The following PCDHA6 variants were observed in gnomAD, a reference collection of about 807,000 sequenced individuals.
PCDHA6 encodes protocadherin alpha-6.
In PCDHA6, 55 loss-of-function variants were observed where a neutral mutation model predicts 60.3. The observed-to-expected ratio is 0.91, with a 90% CI of 0.73 to 1.14. PCDHA6 has a LOEUF of 1.14. PCDHA6 is among the 50% of genes most tolerant of loss of function. The probability of loss-of-function intolerance (pLI) is 0.00; values close to 1 mark genes in which losing one functional copy is unlikely to be tolerated. For synonymous variants in PCDHA6, 652 were observed against 557.9 expected, an observed-to-expected ratio of 1.17 and a Z score of -2.38; for missense variants, 1,327 against 1,256.5, an observed-to-expected ratio of 1.06 and a Z score of -0.85.
At chr5:140,853,663 T>C (rs1278843204) in intron 1 of PCDHA6, 2 of 988,324 alleles carry the variant, frequency 2.0e-6, no homozygotes, top group South Asian at 4.7e-5. Context: ...CCAGACAAAT[T>C]GGGGCCTATG....
At chr5:140,984,588 T>C (rs1338170509) in intron 3 of PCDHA6, among the ~76,000 whole-genome samples, 1 of 152,170 alleles carries the variant, frequency 6.6e-6, no homozygotes, top group Non-Finnish European at 1.5e-5. Flanking sequence ...AATCATACTT[T>C]TCAATACATA....
chr5:140,842,977 G>A (rs2150349031), intron 1 of PCDHA6: 2 of 1,595,034 alleles, frequency 1.3e-6, no homozygotes, highest in East Asian at 2.2e-5. Flanking sequence ...TGACGCTGCA[G>A]GTGTTCGTGC....
chr5:140,861,377 G>T (rs2046888604), intron 1 of PCDHA6: 1 of 418,518 alleles, frequency 2.4e-6, no homozygotes, highest in South Asian at 2.0e-5. Context: ...TCCCTATTGC[G>T]CAGGACCTGG....
chr5:140,871,702 T>C, intron 1 of PCDHA6: 1 of 877,954 alleles, frequency 1.1e-6, no homozygotes, highest in Non-Finnish European at 1.7e-6. Flanking sequence ...CTTTAACCAA[T>C]AAATGTCCTA....
chr5:140,891,281 G>A (rs1554184772), intron 1 of PCDHA6, among the ~76,000 whole-genome samples: 2 of 151,886 alleles, frequency 1.3e-5, no homozygotes, highest in African/African-American at 4.8e-5. Context: ...GTAAGTTATT[G>A]GGGGTACAGG....
At chr5:140,987,941 G>A (rs1554249697) in intron 3 of PCDHA6, among the ~76,000 whole-genome samples, 1 of 152,104 alleles carries the variant, frequency 6.6e-6, no homozygotes, top group African/African-American at 2.4e-5. Flanking sequence ...ATTCTTACCT[G>A]TCTGACAAAA....
At chr5:140,857,103 C>G in intron 1 of PCDHA6, 1 of 1,597,644 alleles carries the variant, frequency 6.3e-7, no homozygotes, top group Non-Finnish European at 8.6e-7. Flanking sequence ...GTGATTGTCA[C>G]TTCTCTGTCT....
At chr5:140,867,140 CATT>C (rs782677875) in intron 1 of PCDHA6, 7 of 152,092 alleles carry the variant, frequency 4.6e-5, no homozygotes, top group Non-Finnish European at 1.0e-4. Context: ...GTGATATTAT[CATT>C]TTTCCAGAGT....
At chr5:140,856,902 C>A in intron 1 of PCDHA6, 1 of 1,596,268 alleles carries the variant, frequency 6.3e-7, no homozygotes, top group Non-Finnish European at 8.6e-7. Flanking sequence ...TCTTTGGTCC[C>A]ACCCACGATA....
chr5:140,856,318 C>G (rs200204071), intron 1 of PCDHA6: 2 of 1,598,576 alleles, frequency 1.3e-6, no homozygotes, highest in East Asian at 4.5e-5. Context: ...CTCGGATTGA[C>G]CGCGAGGAGC....
At chr5:141,006,050 G>A (rs1554260524) in intron 3 of PCDHA6, among the ~76,000 whole-genome samples, 1 of 151,092 alleles carries the variant, frequency 6.6e-6, no homozygotes, top group African/African-American at 2.4e-5. Flanking sequence ...GTAGATGAGA[G>A]TGGAGAAGAA....
rs1274160852 is a variant in PCDHA6, at chr5:140,922,009, TA to T, written c.2395-56933del. On this transcript the variant is annotated intron_variant, in intron 1 of 3. Coordinates refer to ENST00000529310, the MANE Select transcript of PCDHA6 (RefSeq NM_018909.4). ...AAAGAGTTCAATGAAATGATTAGTTTAAAAAAATAAATATAAAAAATGTAAT... is the reference window on the plus strand; with the variant it reads ...AAAGAGTTCAATGAAATGATTAGTTTAAAAAATAAATATAAAAAATGTAAT... 1.3e-5 allele frequency among the ~76,000 whole-genome samples: 2 copies of T among 152,076 alleles called. 1 individual carries two copies. The highest frequency in any genetic ancestry group is 4.8e-5 in the African/African-American group (2 of 41,508).
intron 1 of PCDHA6, chr5:140,847,531 C>G (rs1562439566): frequency 6.7e-6 from 1 of 149,400 alleles, no homozygotes. Context: ...GGAAAAGAAT[C>G]TCAAGCATAG....
intron 1 of PCDHA6, chr5:140,857,265 T>G: frequency 1.3e-6 from 2 of 1,598,672 alleles, no homozygotes; most frequent in Non-Finnish European, 1.7e-6. Flanking sequence ...TACTACTCAT[T>G]GGTGCTGGAC....
chr5:140,988,957 C>G (rs2097322513), intron 3 of PCDHA6: 1 of 152,120 alleles, frequency 6.6e-6, no homozygotes. Context: ...TTCCTTCAAG[C>G]CCCACGATGG....
At chr5:140,847,086 A>G (rs1439792842) in intron 1 of PCDHA6, among the ~76,000 whole-genome samples, 1 of 149,852 alleles carries the variant, frequency 6.7e-6, no homozygotes, top group East Asian at 1.9e-4. Flanking sequence ...AGAAAAGTCC[A>G]CTTTGGTTAA....
chr5:140,869,757 A>G, intron 1 of PCDHA6: 3 of 1,613,264 alleles, frequency 1.9e-6, no homozygotes, highest in Non-Finnish European at 2.5e-6. Flanking sequence ...CAGACGGGGG[A>G]AAACCAGAGC....
chr5:140,952,813 G>A (rs1162015418), intron 1 of PCDHA6, among the ~76,000 whole-genome samples: 1 of 152,158 alleles, frequency 6.6e-6, no homozygotes, highest in African/African-American at 2.4e-5. Context: ...TCTGCAGGCT[G>A]TACAGGAAGC....
chr5:140,941,185 C>CTTTTT (rs782102770), intron 1 of PCDHA6, among the ~76,000 whole-genome samples: 1 of 102,242 alleles, frequency 9.8e-6, no homozygotes, highest in African/African-American at 3.6e-5. Context: ...CATCCTGCTT[C>CTTTTT]TTTTTTTTTC....
Sources: allele counts gnomAD v4.1 joint callset (sites outside exome capture counted in the v4.1 genomes callset), GRCh38; gene constraint gnomAD v4.1.1; transcripts MANE v1.5; gene names NCBI Gene and HGNC (gene_info 2026-07-23, HGNC 2026-07-21).